The following SERGEF variants were observed in gnomAD, a reference collection of about 807,000 sequenced individuals.
SERGEF encodes secretion-regulating guanine nucleotide exchange factor.
A neutral mutation model predicts 50.0 loss-of-function variants in SERGEF; 51 were observed. That is an observed-to-expected ratio of 1.02 (90% CI 0.81 to 1.29). The LOEUF (loss-of-function observed/expected upper bound fraction) is 1.29. Among genes scored for constraint, SERGEF ranks in the 50% most tolerant of loss-of-function variants. The pLI, the probability that SERGEF is intolerant of heterozygous loss-of-function variation, is 0.00. For synonymous variants in SERGEF, 205 were observed against 212.4 expected, an observed-to-expected ratio of 0.97 and a Z score of 0.30; for missense variants, 521 against 557.0, an observed-to-expected ratio of 0.94 and a Z score of 0.65.
chr11:17,837,114 C>T lies in SERGEF; in HGVS notation c.1048+41094G>A, dbSNP rs539542018. On this transcript the variant is annotated intron_variant, in intron 10 of 10. Transcript: ENST00000265965. ...TGGCAGTCAGGTCTATTACCTCTGA[C>T]GTCCACCCACTGCCAGGTAATACCC... Among the ~76,000 whole-genome samples, 13 of 152,260 alleles carry T rather than the reference C, an allele frequency of 8.5e-5. No homozygotes were observed. The South Asian group carries it at 1.7e-3, about 19-fold the overall frequency.
At position 17,824,138 on chromosome 11, in the gene SERGEF, A is replaced by G. The variant is rs188841074; in HGVS notation, c.1049-35725T>C. 1.2e-3 allele frequency among the ~76,000 whole-genome samples: 184 copies of G among 152,242 alleles called. 1 individual carries two copies. Among genetic ancestry groups the G allele is most frequent in the African/African-American group, 4.4e-3 (182 of 41,542 alleles). ...AACACGGTGAAACCCCGTCTCTACT[A>G]AAAATACAAAAAATTAGCCGGGCGT... On this transcript the variant is annotated intron_variant, in intron 10 of 10. Coordinates refer to ENST00000265965, the MANE Select transcript of SERGEF (RefSeq NM_012139.4).
At chr11:17,890,435 A>T (rs1486184476) in intron 9 of SERGEF, among the ~76,000 whole-genome samples, 1 of 152,146 alleles carries the variant, frequency 6.6e-6, no homozygotes, top group Non-Finnish European at 1.5e-5. Flanking sequence ...TATATATAGA[A>T]AAGTAGGGCT....
intron 8 of SERGEF, among the ~76,000 whole-genome samples, chr11:17,975,991 A>G (rs2237911): frequency 0.32 from 48,598 of 152,036 alleles, 9,276 homozygotes; most frequent in East Asian, 0.5. Context: ...GGAATTGTGA[A>G]TGAGTAAAGG....
At chr11:17,985,740 G>A (rs1019440467) in intron 8 of SERGEF, among the ~76,000 whole-genome samples, 34 of 152,174 alleles carry the variant, frequency 2.2e-4, no homozygotes, top group African/African-American at 7.7e-4. Context: ...CCTGAGAGGG[G>A]AGGGCAGAGA....
At chr11:17,790,263 A>C (rs998729874) in intron 10 of SERGEF, among the ~76,000 whole-genome samples, 3 of 152,134 alleles carry the variant, frequency 2.0e-5, no homozygotes, top group Non-Finnish European at 4.4e-5. Context: ...ATATTTTTCT[A>C]CATAGATGTG....
At chr11:18,007,722 G>A (rs1056684444) in intron 2 of SERGEF, among the ~76,000 whole-genome samples, 1 of 71,820 alleles carries the variant, frequency 1.4e-5, no homozygotes, top group African/African-American at 3.1e-5. Flanking sequence ...ATAATGGAGG[G>A]GGTGGGGGAA....
intron 9 of SERGEF, among the ~76,000 whole-genome samples, chr11:17,907,038 G>A (rs1446626605): frequency 6.6e-6 from 1 of 151,812 alleles, no homozygotes; most frequent in African/African-American, 2.4e-5. Context: ...TCCTCGCCCA[G>A]TCCATGACCC....
intron 9 of SERGEF, among the ~76,000 whole-genome samples, chr11:17,903,633 T>A (rs1333444326): frequency 2.0e-5 from 3 of 152,200 alleles, no homozygotes; most frequent in Non-Finnish European, 4.4e-5. Flanking sequence ...GACAGACATT[T>A]CCAGAGCAGA....
chr11:17,941,760 A>C (rs1852566580), intron 9 of SERGEF, among the ~76,000 whole-genome samples: 1 of 152,202 alleles, frequency 6.6e-6, no homozygotes, highest in South Asian at 2.1e-4. Context: ...ATAGTGCACA[A>C]GGGTTCCAAT....
chr11:17,982,531 A>G (rs116805588), intron 8 of SERGEF, among the ~76,000 whole-genome samples: 224 of 152,354 alleles, frequency 1.5e-3, no homozygotes, highest in African/African-American at 5.2e-3. Flanking sequence ...TGCTTTAAAT[A>G]GAGCCCATGA....
At chr11:17,821,533 T>C (rs1590134876) in intron 10 of SERGEF, among the ~76,000 whole-genome samples, 1 of 152,210 alleles carries the variant, frequency 6.6e-6, no homozygotes, top group East Asian at 1.9e-4. Flanking sequence ...AATGAATTAA[T>C]TGCAGTTCCT....
intron 8 of SERGEF, among the ~76,000 whole-genome samples, chr11:17,965,337 G>A (rs183526165): frequency 3.3e-5 from 5 of 152,206 alleles, no homozygotes; most frequent in Non-Finnish European, 5.9e-5. Flanking sequence ...GGAACTGTGA[G>A]TCAATTAAAC....
chr11:17,941,272 C>G (rs1852557855), intron 9 of SERGEF, among the ~76,000 whole-genome samples: 1 of 152,138 alleles, frequency 6.6e-6, no homozygotes, highest in Non-Finnish European at 1.5e-5. Flanking sequence ...GTGTACAGTT[C>G]AGTGGTGTGA....
At chr11:17,999,531 G>A (rs1235033923) in intron 5 of SERGEF, 5 of 455,164 alleles carry the variant, frequency 1.1e-5, no homozygotes, top group African/African-American at 2.0e-5. Flanking sequence ...GTGGACTCAC[G>A]AAGCACCTGA....
intron 10 of SERGEF, chr11:17,846,813 A>G (rs1479394835): frequency 2.2e-6 from 1 of 455,448 alleles, no homozygotes; most frequent in African/African-American, 2.0e-5. Context: ...GGTGGCTGAC[A>G]TGTAGCAGGT....
At chr11:17,959,182 T>G (rs907188149) in intron 9 of SERGEF, among the ~76,000 whole-genome samples, 4 of 152,248 alleles carry the variant, frequency 2.6e-5, no homozygotes, top group African/African-American at 9.6e-5. Flanking sequence ...CTTGTCATTT[T>G]CTAAGCCTAG....
At chr11:17,813,265 G>A (rs537895287) in intron 10 of SERGEF, among the ~76,000 whole-genome samples, 7 of 152,326 alleles carry the variant, frequency 4.6e-5, no homozygotes, top group Non-Finnish European at 8.8e-5. Context: ...CAGCCAAGTG[G>A]TGTCTGTGCA....
chr11:17,952,650 C>A (rs961976788), intron 9 of SERGEF, among the ~76,000 whole-genome samples: 10 of 152,176 alleles, frequency 6.6e-5, no homozygotes, highest in Non-Finnish European at 1.2e-4. Context: ...AGGTACTGGG[C>A]TTGTTTTCAT....
At chr11:17,898,308 C>G (rs1216592061) in intron 9 of SERGEF, among the ~76,000 whole-genome samples, 7 of 152,312 alleles carry the variant, frequency 4.6e-5, no homozygotes, top group Middle Eastern at 3.4e-3. Context: ...GAGAAAGGAA[C>G]ATGAGCTCTG....
Sources: gnomAD v4.1 joint callset for allele counts (sites outside exome capture counted in the v4.1 genomes callset) on GRCh38, gnomAD v4.1.1 for gene constraint, MANE v1.5 for transcripts, NCBI Gene and HGNC (gene_info 2026-07-23, HGNC 2026-07-21) for gene names.